Variants in PDE4D observed in about 807,000 individuals in gnomAD.
PDE4D encodes the protein 3',5'-cyclic-AMP phosphodiesterase 4D.
PDE4D carries 24 observed loss-of-function variants against 87.4 expected under a neutral mutation model. That is an observed-to-expected ratio of 0.27 (90% CI 0.20 to 0.39). The LOEUF (loss-of-function observed/expected upper bound fraction) is 0.39. Ranked by LOEUF, PDE4D falls within the 10% of genes least tolerant of loss-of-function variation. PDE4D has a pLI of 1.00. For synonymous variants in PDE4D, 384 were observed against 383.2 expected, an observed-to-expected ratio of 1.00 and a Z score of -0.02; for missense variants, 714 against 1,041.0, an observed-to-expected ratio of 0.69 and a Z score of 4.32.
chr5:59,157,288 A>G (rs981271529), intron 5 of PDE4D: 11 of 702,120 alleles, frequency 1.6e-5, no homozygotes, highest in Non-Finnish European at 2.6e-5. Flanking sequence ...TTTCAAGGTC[A>G]GCCAAATCAT....
intron 1 of PDE4D, chr5:59,430,543 T>G: frequency 1.5e-6 from 1 of 671,054 alleles, no homozygotes; most frequent in Non-Finnish European, 2.1e-6. Flanking sequence ...GCCCGGTGCT[T>G]CTTTGCTTCA....
In PDE4D at chr5:60,101,332, G is replaced by A. The variant is rs149741324; in HGVS notation, c.42+84225C>T. Among the ~76,000 whole-genome samples, 799 of 152,090 alleles carry A rather than the reference G, an allele frequency of 5.3e-3. 7 individuals are homozygous for A. Among genetic ancestry groups the A allele is most frequent in the African/African-American group, 0.018 (740 of 41,494 alleles). On this transcript the variant is annotated intron_variant, in intron 2 of 16. Transcript: ENST00000502484. Reference sequence around the variant, plus strand: ...TTCAAGTACTCTTATTCAATAATAAGGCAAGAAGAAAAATATACCTTTATA... The same window carrying A: ...TTCAAGTACTCTTATTCAATAATAAAGCAAGAAGAAAAATATACCTTTATA...
chr5:59,989,559 G>T (rs1762806551), intron 2 of PDE4D, among the ~76,000 whole-genome samples: 1 of 152,072 alleles, frequency 6.6e-6, no homozygotes, highest in Non-Finnish European at 1.5e-5. Context: ...GACTGAGAGG[G>T]TAGTAAGAAA....
intron 1 of PDE4D, among the ~76,000 whole-genome samples, chr5:59,604,584 A>C (rs1017204537): frequency 6.6e-6 from 1 of 152,048 alleles, no homozygotes; most frequent in Non-Finnish European, 1.5e-5. Context: ...AGTAAGACCA[A>C]TAACCCAGAA....
intron 1 of PDE4D, among the ~76,000 whole-genome samples, chr5:59,511,545 T>C (rs1310902409): frequency 6.6e-6 from 1 of 152,050 alleles, no homozygotes; most frequent in Non-Finnish European, 1.5e-5. Flanking sequence ...TGTTGACTAA[T>C]ATGCACAATG....
chr5:59,286,647 C>G (rs1767008619), intron 1 of PDE4D, among the ~76,000 whole-genome samples: 2 of 152,042 alleles, frequency 1.3e-5, no homozygotes, highest in Admixed American at 1.3e-4. Context: ...TATTTAGATA[C>G]CAGACTGCAA....
intron 2 of PDE4D, among the ~76,000 whole-genome samples, chr5:60,104,775 A>G (rs1041086030): frequency 2.0e-5 from 3 of 152,184 alleles, no homozygotes; most frequent in Non-Finnish European, 1.5e-5. Context: ...ACCTCTAGCA[A>G]ACTCCAACAG....
At chr5:59,538,800 T>A (rs957756581) in intron 1 of PDE4D, among the ~76,000 whole-genome samples, 47 of 152,324 alleles carry the variant, frequency 3.1e-4, no homozygotes, top group African/African-American at 1.1e-3. Context: ...TCATCTCCCA[T>A]CATTCTCCAG....
At chr5:59,562,016 A>T (rs1820103496) in intron 1 of PDE4D, among the ~76,000 whole-genome samples, 1 of 152,030 alleles carries the variant, frequency 6.6e-6, no homozygotes, top group Admixed American at 6.6e-5. Context: ...TATTCTTTGT[A>T]CCTTGTGACT....
intron 2 of PDE4D, among the ~76,000 whole-genome samples, chr5:60,159,561 A>T (rs1782295892): frequency 6.6e-6 from 1 of 152,144 alleles, no homozygotes; most frequent in Admixed American, 6.6e-5. Context: ...GTTATGCTAC[A>T]ACTTTATGAT....
chr5:60,042,353 G>A (rs1768620479), intron 2 of PDE4D, among the ~76,000 whole-genome samples: 1 of 152,198 alleles, frequency 6.6e-6, no homozygotes, highest in South Asian at 2.1e-4. Context: ...TGGGGGAAGG[G>A]GTGCCTGTAG....
chr5:60,114,960 G>GGATA (rs770727778), intron 2 of PDE4D, among the ~76,000 whole-genome samples: 13 of 106,844 alleles, frequency 1.2e-4, no homozygotes, highest in Admixed American at 7.4e-4. Context: ...ATGGATGGAT[G>GGATA]GATGGATGGA....
At chr5:60,271,183 T>C (rs1022678318) in intron 1 of PDE4D, among the ~76,000 whole-genome samples, 1 of 152,190 alleles carries the variant, frequency 6.6e-6, no homozygotes, top group Non-Finnish European at 1.5e-5. Flanking sequence ...TTTTCACACA[T>C]TAAAAATTCT....
chr5:59,734,822 T>A (rs539464997), intron 1 of PDE4D, among the ~76,000 whole-genome samples: 2 of 152,246 alleles, frequency 1.3e-5, no homozygotes, highest in East Asian at 3.9e-4. Context: ...TTAACCTGAG[T>A]GAGTCCAGTC....
intron 6 of PDE4D, among the ~76,000 whole-genome samples, chr5:58,999,298 T>TAA (rs1356864592): frequency 6.6e-6 from 1 of 152,148 alleles, no homozygotes; most frequent in African/African-American, 2.4e-5. Flanking sequence ...AAAGCTATTT[T>TAA]AACACTCAAA....
chr5:59,667,413 T>C (rs771596890), intron 1 of PDE4D, among the ~76,000 whole-genome samples: 5 of 152,146 alleles, frequency 3.3e-5, no homozygotes, highest in Non-Finnish European at 5.9e-5. Flanking sequence ...CTGGGCTCAA[T>C]TGATCCTCCC....
chr5:59,567,748 T>C (rs1821184023), intron 1 of PDE4D, among the ~76,000 whole-genome samples: 1 of 152,122 alleles, frequency 6.6e-6, no homozygotes, highest in Non-Finnish European at 1.5e-5. Context: ...AGTAAGCAAA[T>C]GATGGATGGT....
intron 2 of PDE4D, among the ~76,000 whole-genome samples, chr5:60,121,975 C>T (rs1161936507): frequency 3.9e-5 from 6 of 152,102 alleles, no homozygotes; most frequent in East Asian, 1.9e-4. Flanking sequence ...TTGGCCAAAA[C>T]GAAGTGGTTA....
chr5:59,276,574 G>C, intron 1 of PDE4D, among the ~76,000 whole-genome samples: 1 of 152,064 alleles, frequency 6.6e-6, no homozygotes, highest in East Asian at 1.9e-4. Flanking sequence ...AAATTCAGCA[G>C]AGTGTAACAG....
Sources: allele counts gnomAD v4.1 joint callset (sites outside exome capture counted in the v4.1 genomes callset), GRCh38; gene constraint gnomAD v4.1.1; transcripts MANE v1.5; gene names NCBI Gene and HGNC (gene_info 2026-07-23, HGNC 2026-07-21).